RORA: variants seen among roughly 807,000 people sequenced by gnomAD.
RORA encodes nuclear receptor ROR-alpha.
In RORA, 7 loss-of-function variants were observed where a neutral mutation model predicts 69.5. That is an observed-to-expected ratio of 0.10 (90% CI 0.06 to 0.19). The LOEUF is 0.19. Ranked by LOEUF, RORA falls within the 10% of genes least tolerant of loss-of-function variation. The pLI is 1.00. For missense variants in RORA, 457 were observed against 663.0 expected (o/e 0.69, Z 3.41); for synonymous variants, 261 against 240.8 (o/e 1.08, Z -0.78).
At chr15:60,633,081 T>C (rs889209874) in intron 2 of RORA, among the ~76,000 whole-genome samples, 1 of 152,236 alleles carries the variant, frequency 6.6e-6, no homozygotes, top group African/African-American at 2.4e-5. Context: ...TTGGCAGCTT[T>C]ACAATGGATT....
intron 1 of RORA, among the ~76,000 whole-genome samples, chr15:60,899,540 A>AT (rs1409071451): frequency 6.6e-6 from 1 of 152,220 alleles, no homozygotes; most frequent in East Asian, 1.9e-4. Context: ...AGCAGTTTTT[A>AT]GCCACACTTC....
intron 2 of RORA, chr15:60,558,513 G>T: frequency 6.5e-6 from 3 of 460,620 alleles, no homozygotes; most frequent in Non-Finnish European, 1.1e-5. Flanking sequence ...ACTGGATTGT[G>T]GTTAAATGCG....
chr15:60,511,179 CAAAGG>C lies in RORA; in HGVS notation c.820+42_820+46del. 6.4e-7 allele frequency: 1 copy of C among 1,553,368 alleles called. No homozygotes were observed. Among genetic ancestry groups the C allele is most frequent in the Non-Finnish European group, 8.7e-7 (1 of 1,146,242 alleles). On this transcript the variant is annotated intron_variant, in intron 5 of 10. Coordinates refer to ENST00000335670, the MANE Select transcript of RORA (RefSeq NM_134261.3). This position sits in a 1 kb window ranked among gnomAD's most constrained non-coding sequence, Gnocchi z 6.4. ...AAAGTCAGACATACCCCTTTTACTT[CAAAGG>C]GCATGAATAGAGCATCCCAGGAGAA... is the stretch of plus-strand genomic sequence containing the variant.
chr15:60,990,580 A>C (rs935953132), intron 1 of RORA, among the ~76,000 whole-genome samples: 1 of 152,230 alleles, frequency 6.6e-6, no homozygotes, highest in Non-Finnish European at 1.5e-5. Flanking sequence ...TAAACTGATA[A>C]GACAGCAGAT....
At chr15:61,159,144 A>G (rs1189255188) in intron 1 of RORA, among the ~76,000 whole-genome samples, 1 of 152,192 alleles carries the variant, frequency 6.6e-6, no homozygotes, top group African/African-American at 2.4e-5. Context: ...TAACTGGAAA[A>G]TAATCAGCTC....
chr15:61,119,223 G>C (rs2079079619), intron 1 of RORA, among the ~76,000 whole-genome samples: 1 of 151,892 alleles, frequency 6.6e-6, no homozygotes, highest in South Asian at 2.1e-4. Context: ...TCTTGAGGCA[G>C]GGTCTCGCTT....
At chr15:60,779,306 A>C (rs950071645) in intron 1 of RORA, among the ~76,000 whole-genome samples, 6 of 152,152 alleles carry the variant, frequency 3.9e-5, no homozygotes, top group African/African-American at 7.2e-5. Flanking sequence ...TTGCATCCTC[A>C]GTTTTCTGGC....
Position 60,743,789 on chromosome 15 carries a change from A to C in RORA, c.167-65103T>G, listed in dbSNP as rs341417. On this transcript the variant is annotated intron_variant, in intron 1 of 10. Transcript: ENST00000335670. ...GGTGAAGGTTAGCAGTCACTGTCTC[A>C]GTTACATGCATATGTGACAAGGAAA... Among the ~76,000 whole-genome samples, 1,510 of 152,304 alleles carry C rather than the reference A, an allele frequency of 9.9e-3. 8 individuals carry two copies. The highest frequency in any genetic ancestry group is 0.017 in the Non-Finnish European group (1,130 of 68,036).
chr15:60,569,241 A>ACTC (rs2067807142), intron 2 of RORA, among the ~76,000 whole-genome samples: 1 of 144,184 alleles, frequency 6.9e-6, no homozygotes, highest in African/African-American at 2.6e-5. Context: ...ACATGGAGAG[A>ACTC]CTCCATCTCT....
chr15:60,609,754 T>A (rs897898366), intron 2 of RORA, among the ~76,000 whole-genome samples: 37 of 152,184 alleles, frequency 2.4e-4, no homozygotes, highest in Non-Finnish European at 2.9e-5. Context: ...CACGGTTGCC[T>A]GATGAAAAGC....
At chr15:60,875,342 C>T (rs576958375) in intron 1 of RORA, among the ~76,000 whole-genome samples, 1 of 152,280 alleles carries the variant, frequency 6.6e-6, no homozygotes, top group South Asian at 2.1e-4. Flanking sequence ...GTATAATCTA[C>T]CCCCCTAAAA....
intron 1 of RORA, among the ~76,000 whole-genome samples, chr15:61,134,070 G>C (rs1377382444): frequency 6.6e-6 from 1 of 152,134 alleles, no homozygotes; most frequent in Non-Finnish European, 1.5e-5. Flanking sequence ...TTTACTATGT[G>C]AACAGCCCTG....
chr15:61,057,363 C>T (rs546937966), intron 1 of RORA, among the ~76,000 whole-genome samples: 18 of 152,172 alleles, frequency 1.2e-4, no homozygotes, highest in Non-Finnish European at 2.4e-4. Flanking sequence ...AATACACAAA[C>T]ATTTGACTTT....
chr15:60,710,402 C>T (rs2071126965), intron 1 of RORA, among the ~76,000 whole-genome samples: 3 of 152,086 alleles, frequency 2.0e-5, no homozygotes, highest in South Asian at 2.1e-4. Context: ...GCAGGAGAAT[C>T]GCTTGAACCC....
intron 1 of RORA, among the ~76,000 whole-genome samples, chr15:61,188,568 G>A (rs990194029): frequency 5.6e-4 from 86 of 152,226 alleles, no homozygotes; most frequent in African/African-American, 1.9e-3. Context: ...AACCATATGG[G>A]CCACCTGTTT....
At chr15:61,141,977 G>C (rs909328586) in intron 1 of RORA, among the ~76,000 whole-genome samples, 1 of 152,098 alleles carries the variant, frequency 6.6e-6, no homozygotes, top group Non-Finnish European at 1.5e-5. Flanking sequence ...GTGGAAAAGG[G>C]GAGGGACAGG....
At chr15:61,008,052 C>A (rs891663695) in intron 1 of RORA, among the ~76,000 whole-genome samples, 3 of 151,566 alleles carry the variant, frequency 2.0e-5, no homozygotes, top group Admixed American at 2.0e-4. Context: ...TCAAAAGTGA[C>A]AAGTTTTATT....
intron 2 of RORA, among the ~76,000 whole-genome samples, chr15:60,565,192 C>T (rs534120038): frequency 1.3e-5 from 2 of 152,160 alleles, no homozygotes; most frequent in African/African-American, 4.8e-5. Flanking sequence ...CAAGAATTCT[C>T]CCATAAAGGT....
At chr15:61,097,986 G>A (rs542169664) in intron 1 of RORA, among the ~76,000 whole-genome samples, 1 of 152,280 alleles carries the variant, frequency 6.6e-6, no homozygotes, top group South Asian at 2.1e-4. Flanking sequence ...TGCCTGGTAT[G>A]TTGGGCCTAG....
Sources: gnomAD v4.1 joint callset for allele counts (sites outside exome capture counted in the v4.1 genomes callset) on GRCh38, gnomAD v4.1.1 for gene constraint, Gnocchi (gnomAD v3.1) non-coding constraint, MANE v1.5 for transcripts, NCBI Gene and HGNC (gene_info 2026-07-23, HGNC 2026-07-21) for gene names.